The following FAT3 variants were observed in gnomAD, a reference collection of about 807,000 sequenced individuals.
The protein encoded by FAT3 is protocadherin Fat 3.
In FAT3, 95 loss-of-function variants were observed where a neutral mutation model predicts 310.2. The ratio of observed to expected loss-of-function variants is 0.31; its 90% CI spans 0.26 to 0.36. The LOEUF is 0.36. Ranked by LOEUF, FAT3 falls within the 10% of genes least tolerant of loss-of-function variation. The pLI is 1.00. For missense variants in FAT3, 5,408 were observed against 5,715.6 expected (o/e 0.95, Z 1.74); for synonymous variants, 2,314 against 2,192.9 (o/e 1.06, Z -1.54).
rs950408335 is a variant in FAT3 at position 92,468,506 on chromosome 11, G to A, written c.3293-56128G>A. ...GTGTAATTCTTCTTTTTTCTTCAGA[G>A]AAACTGTGGTAGGATCAGTGCAAAG... On this transcript the variant is annotated intron_variant, in intron 2 of 27. Coordinates refer to ENST00000525166, the MANE Select transcript of FAT3 (RefSeq NM_001367949.2). Among the ~76,000 whole-genome samples, 20 of 151,996 alleles carry A rather than the reference G, an allele frequency of 1.3e-4. 1 individual carries two copies. The highest frequency in any genetic ancestry group is 6.6e-5 in the Admixed American group (1 of 15,248).
chr11:92,861,956 C>A (rs1395221077), intron 21 of FAT3, among the ~76,000 whole-genome samples: 3 of 152,152 alleles, frequency 2.0e-5, no homozygotes, highest in Non-Finnish European at 2.9e-5. Flanking sequence ...TGCACAGAGA[C>A]CTCGAGAAGT....
At chr11:92,351,876 T>C (rs1463793817) in intron 1 of FAT3, among the ~76,000 whole-genome samples, 2 of 152,210 alleles carry the variant, frequency 1.3e-5, no homozygotes, top group African/African-American at 4.8e-5. Flanking sequence ...AAGTGTCACT[T>C]GAAAACAATT....
intron 4 of FAT3, among the ~76,000 whole-genome samples, chr11:92,760,090 A>G (rs958956530): frequency 1.3e-5 from 2 of 152,202 alleles, no homozygotes; most frequent in African/African-American, 4.8e-5. Flanking sequence ...TGGCATGTCA[A>G]GGAATTAGCT....
intron 4 of FAT3, among the ~76,000 whole-genome samples, chr11:92,755,167 A>T (rs1268025731): frequency 1.3e-5 from 2 of 152,142 alleles, no homozygotes; most frequent in African/African-American, 4.8e-5. Flanking sequence ...GATTATACTA[A>T]TGGTAATAAC....
intron 2 of FAT3, among the ~76,000 whole-genome samples, chr11:92,389,565 T>C (rs1949702086): frequency 6.6e-6 from 1 of 152,196 alleles, no homozygotes; most frequent in South Asian, 2.1e-4. Context: ...TATTAGAATA[T>C]CTTAAGGCAG....
intron 4 of FAT3, among the ~76,000 whole-genome samples, chr11:92,727,631 G>C (rs1945037644): frequency 6.6e-6 from 1 of 152,166 alleles, no homozygotes; most frequent in Admixed American, 6.5e-5. Flanking sequence ...TAGGTTTGCA[G>C]AACCGACATA....
At chr11:92,851,769 A>G (rs540842932) in intron 19 of FAT3, among the ~76,000 whole-genome samples, 162 of 147,502 alleles carry the variant, frequency 1.1e-3, no homozygotes, top group African/African-American at 3.9e-3. Context: ...AGCTGTCACC[A>G]AACACAGCAC....
chr11:92,363,043 G>C (rs1948921300), intron 2 of FAT3, among the ~76,000 whole-genome samples: 1 of 152,206 alleles, frequency 6.6e-6, no homozygotes. Context: ...ACAGAAAAAA[G>C]AGGGGTTTGG....
intron 4 of FAT3, among the ~76,000 whole-genome samples, chr11:92,701,858 G>A (rs532010049): frequency 7.2e-5 from 11 of 152,236 alleles, no homozygotes; most frequent in African/African-American, 2.6e-4. Flanking sequence ...TCACTTGTAT[G>A]GATTGTGTTT....
intron 2 of FAT3, among the ~76,000 whole-genome samples, chr11:92,519,774 A>G (rs1953621836): frequency 6.6e-6 from 1 of 152,156 alleles, no homozygotes; most frequent in Admixed American, 6.6e-5. Flanking sequence ...GCACTTTTAA[A>G]GATGCTTAAC....
chr11:92,483,901 A>G (rs1224526612), intron 2 of FAT3, among the ~76,000 whole-genome samples: 1 of 152,176 alleles, frequency 6.6e-6, no homozygotes, highest in Non-Finnish European at 1.5e-5. Context: ...CACTGGTAGA[A>G]CTCAAGTTGC....
At chr11:92,635,267 C>T (rs1433301244) in intron 3 of FAT3, among the ~76,000 whole-genome samples, 1 of 152,050 alleles carries the variant, frequency 6.6e-6, no homozygotes, top group Non-Finnish European at 1.5e-5. Flanking sequence ...CTGACCTACT[C>T]TCCTACAGAA....
intron 3 of FAT3, among the ~76,000 whole-genome samples, chr11:92,678,549 G>C (rs139157747): frequency 9.2e-5 from 14 of 152,188 alleles, no homozygotes; most frequent in African/African-American, 3.1e-4. Context: ...TTTCCCACAC[G>C]TGCCTTTTGG....
intron 18 of FAT3, 104 bp downstream of exon 18, chr11:92,840,863 C>A: frequency 3.6e-6 from 4 of 1,098,556 alleles, no homozygotes; most frequent in Non-Finnish European, 5.0e-6. Flanking sequence ...CAACATAATT[C>A]ATTACCATGC....
chr11:92,538,447 G>A (rs1055570550), intron 3 of FAT3, among the ~76,000 whole-genome samples: 1 of 152,086 alleles, frequency 6.6e-6, no homozygotes, highest in African/African-American at 2.4e-5. Context: ...GAAATTAGGC[G>A]GGCTACTGTA....
chr11:92,531,386 C>G (rs1320474121), intron 3 of FAT3, among the ~76,000 whole-genome samples: 3 of 152,100 alleles, frequency 2.0e-5, no homozygotes, highest in Non-Finnish European at 4.4e-5. Context: ...ACTTGATCAG[C>G]TCACAACTGT....
intron 3 of FAT3, among the ~76,000 whole-genome samples, chr11:92,542,356 G>A (rs1260002030): frequency 1.3e-5 from 2 of 151,944 alleles, no homozygotes; most frequent in Non-Finnish European, 2.9e-5. Flanking sequence ...CAAACTAAAA[G>A]CTTCTGCACA....
intron 9 of FAT3, 40 bp from the exon 10 acceptor site, chr11:92,797,796 C>T (rs1468334111): frequency 6.5e-7 from 1 of 1,549,576 alleles, no homozygotes; most frequent in Non-Finnish European, 8.8e-7. Flanking sequence ...TTTCAGTGAC[C>T]CACATGTAAC....
At chr11:92,356,952 C>G (rs1948749401) in intron 2 of FAT3, among the ~76,000 whole-genome samples, 1 of 152,010 alleles carries the variant, frequency 6.6e-6, no homozygotes, top group Non-Finnish European at 1.5e-5. Flanking sequence ...CTAATTATGG[C>G]CAGTGTAAAT....
Sources: allele counts gnomAD v4.1 joint callset (sites outside exome capture counted in the v4.1 genomes callset), GRCh38; gene constraint gnomAD v4.1.1; transcripts MANE v1.5; gene names NCBI Gene and HGNC (gene_info 2026-07-23, HGNC 2026-07-21).